CSMD1: variants seen among roughly 807,000 people sequenced by gnomAD.
CSMD1 encodes the protein CUB and sushi domain-containing protein 1.
Under a neutral mutation model 417.5 loss-of-function variants are expected in CSMD1, and 213 were observed. The observed-to-expected ratio is 0.51, with a 90% CI of 0.46 to 0.57. The LOEUF (loss-of-function observed/expected upper bound fraction) is 0.57. CSMD1 is among the 20% of genes least tolerant of loss of function. The probability of loss-of-function intolerance (pLI) is 0.00; values close to 1 mark genes in which losing one functional copy is unlikely to be tolerated. For synonymous variants in CSMD1, 2,862 were observed against 1,736.8 expected (o/e 1.65, Z -16.11); for missense variants, 6,923 against 4,529.7 (o/e 1.53, Z -15.17).
chr8:3,357,172 G>C (rs539157855), intron 21 of CSMD1, among the ~76,000 whole-genome samples: 2 of 152,160 alleles, frequency 1.3e-5, no homozygotes, highest in Non-Finnish European at 2.9e-5. Context: ...ATGCACCAGA[G>C]GGGCTGGAGG....
intron 7 of CSMD1, among the ~76,000 whole-genome samples, chr8:3,643,746 C>G (rs945140552): frequency 5.4e-5 from 8 of 149,508 alleles, no homozygotes; most frequent in Admixed American, 3.3e-4. Flanking sequence ...CTGCCTTTTC[C>G]AGCTACTTAA....
chr8:4,156,002 A>C (rs959064142), intron 3 of CSMD1, among the ~76,000 whole-genome samples: 1 of 152,120 alleles, frequency 6.6e-6, no homozygotes, highest in Non-Finnish European at 1.5e-5. Flanking sequence ...AAAAAAGCCT[A>C]ATGGAGTCAC....
At chr8:3,006,911 A>C (rs1275042196) in intron 52 of CSMD1, among the ~76,000 whole-genome samples, 6 of 141,266 alleles carry the variant, frequency 4.2e-5, no homozygotes, top group Admixed American at 4.0e-4. Context: ...ACAAAAGACA[A>C]AATTGACAAA....
At chr8:4,549,233 C>T (rs1363194405) in intron 2 of CSMD1, among the ~76,000 whole-genome samples, 2 of 152,224 alleles carry the variant, frequency 1.3e-5, no homozygotes, top group East Asian at 3.9e-4. Flanking sequence ...ATGTTATCAA[C>T]CCTACCATAT....
chr8:3,199,721 C>T lies in CSMD1; in HGVS notation c.5187G>A (p.Val1729=). The change falls in exon 33 of 70, where the codon GTG becomes GTA. Residue 1729 remains valine (V), a synonymous_variant. Transcript: ENST00000635120. The part of the protein sequence containing the change: ...SGASARGFHF[V]YQAVPRTSDT... ...ATGTGGAGTGACGCTTACCTTGATA[C>T]ACGAAGTGGAAGCCGCGGGCAGAGG... 6.3e-7 allele frequency: 1 copy of T among 1,583,134 alleles called. No individual in the cohort carries two copies. Among genetic ancestry groups the T allele is most frequent in the South Asian group, 1.2e-5 (1 of 86,184 alleles).
intron 3 of CSMD1, among the ~76,000 whole-genome samples, chr8:4,128,873 G>T (rs1001959943): frequency 1.3e-5 from 2 of 152,020 alleles, no homozygotes; most frequent in African/African-American, 4.8e-5. Context: ...TGCATGCGCT[G>T]TATCATGAAT....
intron 1 of CSMD1, among the ~76,000 whole-genome samples, chr8:4,836,727 G>A (rs899796195): frequency 1.3e-5 from 2 of 151,994 alleles, no homozygotes; most frequent in Non-Finnish European, 2.9e-5. Context: ...GAAGTCACAA[G>A]GTCTAAACCC....
chr8:4,758,075 T>C lies in CSMD1; in HGVS notation c.86-120517A>G, dbSNP rs181519792. ...TTCTTTCCTTCTCTCTGCGTTACTTTTCTCAGGTGAGAAATTTCCACTGAA... is the reference window on the plus strand; with the variant it reads ...TTCTTTCCTTCTCTCTGCGTTACTTCTCTCAGGTGAGAAATTTCCACTGAA... On this transcript the variant is annotated intron_variant, in intron 1 of 69. Transcript: ENST00000635120. Among the ~76,000 whole-genome samples, 333 of 152,250 alleles carry C rather than the reference T, an allele frequency of 2.2e-3. 2 individuals carry two copies. Among genetic ancestry groups the C allele is most frequent in the African/African-American group, 7.8e-3 (325 of 41,532 alleles).
intron 5 of CSMD1, among the ~76,000 whole-genome samples, chr8:3,909,692 C>T (rs1167006721): frequency 6.6e-6 from 1 of 152,110 alleles, no homozygotes. Context: ...CATCATTCCT[C>T]CTTCGAAATT....
intron 7 of CSMD1, among the ~76,000 whole-genome samples, chr8:3,692,635 G>A (rs537655119): frequency 1.3e-5 from 2 of 152,000 alleles, no homozygotes; most frequent in Non-Finnish European, 1.5e-5. Context: ...GTTTCACCAT[G>A]TTGGTCAGGC....
chr8:3,908,793 T>C (rs1584947573), intron 5 of CSMD1, among the ~76,000 whole-genome samples: 1 of 152,190 alleles, frequency 6.6e-6, no homozygotes, highest in Non-Finnish European at 1.5e-5. Context: ...AATTCTGGAT[T>C]CTTAGCTATT....
intron 7 of CSMD1, among the ~76,000 whole-genome samples, chr8:3,669,810 G>A (rs1018551065): frequency 6.6e-6 from 1 of 152,106 alleles, no homozygotes; most frequent in Admixed American, 6.6e-5. Flanking sequence ...AGCCCTAACA[G>A]CCAATTCAGA....
At chr8:3,365,083 G>C (rs78049401) in intron 20 of CSMD1, among the ~76,000 whole-genome samples, 6,192 of 152,288 alleles carry the variant, frequency 0.041, 161 homozygotes, top group Middle Eastern at 0.078. Flanking sequence ...ACTGGAGGAA[G>C]TGATATTCTC....
intron 3 of CSMD1, among the ~76,000 whole-genome samples, chr8:4,249,720 G>T (rs1802937187): frequency 6.6e-6 from 1 of 152,174 alleles, no homozygotes; most frequent in African/African-American, 2.4e-5. Flanking sequence ...CTTGGCCTCA[G>T]CAGAAGTAGC....
chr8:4,969,710 C>T (rs1316061833), intron 1 of CSMD1, among the ~76,000 whole-genome samples: 1 of 152,044 alleles, frequency 6.6e-6, no homozygotes, highest in Non-Finnish European at 1.5e-5. Context: ...ATTCCTGCGG[C>T]TGGCTTTCTC....
chr8:4,642,347 A>C lies in CSMD1; in HGVS notation c.86-4789T>G, dbSNP rs560592831. 1.7e-4 allele frequency among the ~76,000 whole-genome samples: 26 copies of C among 152,238 alleles called. No homozygotes were observed. The South Asian group carries it at 5.2e-3, about 30-fold the overall frequency. On this transcript the variant is annotated intron_variant, in intron 1 of 69. Transcript: ENST00000635120. Reference sequence around the variant, plus strand: ...GCTTAGAAAATGGCCCTGTGCCCTCATCATTTCTGAGATGAACTAACCCCT... The same window carrying C: ...GCTTAGAAAATGGCCCTGTGCCCTCCTCATTTCTGAGATGAACTAACCCCT...
At chr8:4,012,787 G>T (rs1017903652) in intron 4 of CSMD1, among the ~76,000 whole-genome samples, 4 of 152,108 alleles carry the variant, frequency 2.6e-5, no homozygotes, top group African/African-American at 9.7e-5. Flanking sequence ...CAATCTCACA[G>T]TCTTCTCCAT....
At position 2,955,730 on chromosome 8, in the gene CSMD1, C is replaced by A. The variant is rs1458172935; in HGVS notation, c.9853G>T (p.Asp3285Tyr). 6.2e-7 allele frequency: 1 copy of A among 1,613,876 alleles called. No individual in the cohort carries two copies. Among genetic ancestry groups the A allele is most frequent in the Admixed American group, 1.7e-5 (1 of 60,018 alleles). Residue 3285 changes from aspartate (D) to tyrosine (Y), a missense_variant, in exon 64 of 70, where the codon GAT becomes TAT. Physicochemically the swap from Asp to Tyr is radical, Grantham distance 160. Coordinates refer to ENST00000635120, the MANE Select transcript of CSMD1 (RefSeq NM_033225.6). Reference sequence around the variant, plus strand: ...GTAGGAAGATCGATGGCTCTCACATCCGCGTGTGCCGGGGTTTCTGGCTGT... The same window carrying A: ...GTAGGAAGATCGATGGCTCTCACATACGCGTGTGCCGGGGTTTCTGGCTGT... ...CRQPETPAHA[D>Y]VRAIDLPTFG...
chr8:4,041,210 G>A (rs1443718001), intron 3 of CSMD1, among the ~76,000 whole-genome samples: 5 of 151,692 alleles, frequency 3.3e-5, no homozygotes, highest in South Asian at 4.2e-4. Flanking sequence ...GTAGAGACGG[G>A]GTTTCACCGT....
Sources: allele counts gnomAD v4.1 joint callset (sites outside exome capture counted in the v4.1 genomes callset), GRCh38; gene constraint gnomAD v4.1.1; transcripts MANE v1.5; gene names NCBI Gene and HGNC (gene_info 2026-07-23, HGNC 2026-07-21).